Variants in GLIS3 observed in about 807,000 individuals in gnomAD.
The protein encoded by GLIS3 is zinc finger protein GLIS3.
In GLIS3, 53 loss-of-function variants were observed where a neutral mutation model predicts 78.6. The observed-to-expected ratio is 0.67, with a 90% CI of 0.54 to 0.85. The LOEUF (loss-of-function observed/expected upper bound fraction) is 0.85, where lower values mean the gene tolerates loss of function less well. GLIS3 is among the 40% of genes least tolerant of loss of function. The pLI is 0.00. For synonymous variants in GLIS3, 684 were observed against 509.9 expected (o/e 1.34, Z -4.60); for missense variants, 1,703 against 1,231.1 (o/e 1.38, Z -5.74).
intron 8 of GLIS3, 59 bp from the exon 9 acceptor site, chr9:3,856,243 A>G (rs1473307856): frequency 1.3e-6 from 2 of 1,504,458 alleles, no homozygotes; most frequent in African/African-American, 1.4e-5. Context: ...AACAAAGACA[A>G]ACTCTCCAAA....
intron 2 of GLIS3, among the ~76,000 whole-genome samples, chr9:4,191,340 T>C (rs1030203051): frequency 6.6e-6 from 1 of 152,228 alleles, no homozygotes; most frequent in East Asian, 1.9e-4. Context: ...CTGAGCATTT[T>C]AGAGTTGATG....
intron 9 of GLIS3, among the ~76,000 whole-genome samples, chr9:3,843,162 G>A (rs758619522): frequency 6.6e-6 from 1 of 152,152 alleles, no homozygotes; most frequent in Non-Finnish European, 1.5e-5. Context: ...CTGTTGTCCA[G>A]CTGTAACCAA....
At chr9:4,069,463 C>T (rs563903988) in intron 4 of GLIS3, among the ~76,000 whole-genome samples, 43 of 152,254 alleles carry the variant, frequency 2.8e-4, no homozygotes, top group African/African-American at 9.6e-4. Context: ...AGTACATGAG[C>T]CTCAACGCAC....
At chr9:3,867,250 GTTATT>G (rs1820646687) in intron 8 of GLIS3, among the ~76,000 whole-genome samples, 1 of 152,216 alleles carries the variant, frequency 6.6e-6, no homozygotes, top group African/African-American at 2.4e-5. Context: ...TGTTGCTGTT[GTTATT>G]TTATCTTTTT....
At chr9:4,269,111 T>C (rs1826273593) in intron 2 of GLIS3, among the ~76,000 whole-genome samples, 1 of 152,200 alleles carries the variant, frequency 6.6e-6, no homozygotes, top group South Asian at 2.1e-4. Flanking sequence ...TCCTTATCAT[T>C]AAAATTGACA....
intron 4 of GLIS3, among the ~76,000 whole-genome samples, chr9:4,003,152 G>A (rs1309152373): frequency 6.6e-6 from 1 of 152,164 alleles, no homozygotes; most frequent in African/African-American, 2.4e-5. Context: ...GGCTGAGGCA[G>A]GAGGATCACT....
At chr9:4,005,080 A>G (rs1821434662) in intron 4 of GLIS3, among the ~76,000 whole-genome samples, 1 of 152,216 alleles carries the variant, frequency 6.6e-6, no homozygotes. Context: ...CATCAAAAAC[A>G]TTCAAACTAC....
chr9:3,828,880 C>G (rs1161461126), intron 10 of GLIS3, among the ~76,000 whole-genome samples: 1 of 152,148 alleles, frequency 6.6e-6, no homozygotes. Flanking sequence ...AGAGCTGGAT[C>G]AGGCCTAACT....
At chr9:4,058,397 A>G (rs1431070391) in intron 4 of GLIS3, among the ~76,000 whole-genome samples, 1 of 151,990 alleles carries the variant, frequency 6.6e-6, no homozygotes, top group Non-Finnish European at 1.5e-5. Context: ...TTCTTTGCCT[A>G]CTGATCTCTT....
At chr9:4,125,510 A>G (rs898657467) in intron 3 of GLIS3, among the ~76,000 whole-genome samples, 1 of 152,210 alleles carries the variant, frequency 6.6e-6, no homozygotes, top group Non-Finnish European at 1.5e-5. Context: ...CACTCACACC[A>G]CAAGACAGTA....
chr9:4,156,314 T>G (rs185370977), intron 2 of GLIS3, among the ~76,000 whole-genome samples: 15 of 152,348 alleles, frequency 9.8e-5, no homozygotes, highest in Admixed American at 2.0e-4. Flanking sequence ...TTTCTCTACT[T>G]CCTTTCCTCT....
At chr9:3,935,398 C>A (rs986018703) in intron 5 of GLIS3, among the ~76,000 whole-genome samples, 2 of 151,764 alleles carry the variant, frequency 1.3e-5, no homozygotes, top group South Asian at 4.2e-4. Context: ...ATCAGGAAAC[C>A]ACTATATTAG....
the GLIS3 span, among the ~76,000 whole-genome samples, chr9:4,392,714 T>A: frequency 6.6e-6 from 1 of 152,214 alleles, no homozygotes; most frequent in African/African-American, 2.4e-5. Flanking sequence ...ATGACATTCT[T>A]GTGTTTCTGA....
chr9:4,450,700 T>A, the GLIS3 span, among the ~76,000 whole-genome samples: 1 of 152,194 alleles, frequency 6.6e-6, no homozygotes, highest in Admixed American at 6.5e-5. Context: ...TATTCGACAT[T>A]CTTAAAGAAA....
chr9:4,417,767 A>G, the GLIS3 span, among the ~76,000 whole-genome samples: 1 of 152,246 alleles, frequency 6.6e-6, no homozygotes, highest in African/African-American at 2.4e-5. Flanking sequence ...CCAACCAGGT[A>G]TCATTGAACT....
chr9:4,471,729 T>G, the GLIS3 span, among the ~76,000 whole-genome samples: 1 of 152,088 alleles, frequency 6.6e-6, no homozygotes, highest in Non-Finnish European at 1.5e-5. Flanking sequence ...CCAAAAGCAA[T>G]GGCAACAAAA....
At chr9:4,413,751 C>T in the GLIS3 span, among the ~76,000 whole-genome samples, 1 of 152,088 alleles carries the variant, frequency 6.6e-6, no homozygotes, top group Non-Finnish European at 1.5e-5. Context: ...TTATACCAGG[C>T]AGGGAATGCC....
At chr9:4,428,482 T>TAAA in the GLIS3 span, among the ~76,000 whole-genome samples, 1 of 48,518 alleles carries the variant, frequency 2.1e-5, no homozygotes, top group Non-Finnish European at 3.8e-5. Context: ...AGACTCTGTC[T>TAAA]CAAAAAAAAA....
intron 4 of GLIS3, among the ~76,000 whole-genome samples, chr9:4,018,962 G>A (rs1409340765): frequency 1.3e-5 from 2 of 152,170 alleles, no homozygotes; most frequent in African/African-American, 4.8e-5. Context: ...GCCCCCTCTG[G>A]GTCTCGAAGT....
Sources: gnomAD v4.1 joint callset for allele counts (sites outside exome capture counted in the v4.1 genomes callset) on GRCh38, gnomAD v4.1.1 for gene constraint, MANE v1.5 for transcripts, NCBI Gene and HGNC (gene_info 2026-07-23, HGNC 2026-07-21) for gene names.